The following KRT8 variants were observed in gnomAD, a reference collection of about 807,000 sequenced individuals.
The protein encoded by KRT8 is keratin 8, also known as keratin, type II cytoskeletal 8.
In KRT8, 24 loss-of-function variants were observed where a neutral mutation model predicts 43.0. The ratio of observed to expected loss-of-function variants is 0.56; its 90% CI spans 0.40 to 0.78. KRT8 has a LOEUF of 0.78. Ranked by LOEUF, KRT8 falls within the 30% of genes least tolerant of loss-of-function variation. The pLI is 0.00. For missense variants in KRT8, 492 were observed against 638.4 expected (o/e 0.77, Z 2.47); for synonymous variants, 214 against 261.2 (o/e 0.82, Z 1.74).
At chr12:52,928,230 G>A (rs998427852) in intron 2 of KRT8, among the ~76,000 whole-genome samples, 3 of 152,204 alleles carry the variant, frequency 2.0e-5, no homozygotes, top group African/African-American at 7.2e-5. Context: ...CTTCAGAGCA[G>A]AAGAGTGTGT....
At chr12:52,909,897 G>C (rs1235133166), upstream of KRT8, among the ~76,000 whole-genome samples, 1 of 152,172 alleles carries the variant, frequency 6.6e-6, no homozygotes, top group Non-Finnish European at 1.5e-5. Context: ...GGAGGAAGGA[G>C]ACACAAGCCC....
At position 52,903,851 on chromosome 12, in the gene KRT8, C is replaced by G. The variant is rs1454608451; in HGVS notation, c.324+807G>C. Among the ~76,000 whole-genome samples the G allele has an allele frequency of 2.3e-5, 3 of 129,788 alleles. No homozygotes were observed. In the East Asian group the frequency reaches 6.7e-4, roughly 29 times the overall value. 85.1% of individuals were successfully genotyped at this position (129,788 alleles called of 152,430 possible). ...CCAGGCCCTGGCGCCTCCTCCACCC[C>G]ACCCCAGCCCACCCCACCCCACCCC... is the stretch of plus-strand genomic sequence containing the variant. On this transcript the variant is annotated intron_variant, in intron 1 of 7. Transcript: ENST00000692008.
chr12:52,918,496 C>G (rs541481626), intron 2 of KRT8, among the ~76,000 whole-genome samples: 32 of 152,194 alleles, frequency 2.1e-4, no homozygotes, highest in Non-Finnish European at 3.7e-4. Flanking sequence ...GCCAGACAGA[C>G]GCCGCGCAGG....
chr12:52,921,656 A>C (rs944297298), intron 2 of KRT8, among the ~76,000 whole-genome samples: 4 of 151,822 alleles, frequency 2.6e-5, no homozygotes, highest in African/African-American at 9.7e-5. Context: ...CAGATGGACT[A>C]TTCCTCCCAG....
At chr12:52,914,246 A>AC (rs1281707534) in intron 2 of KRT8, among the ~76,000 whole-genome samples, 3 of 150,630 alleles carry the variant, frequency 2.0e-5, no homozygotes, top group African/African-American at 7.4e-5. Context: ...ACAAAACAAA[A>AC]AAAAAATCCA....
exon 6 of KRT8, chr12:52,898,837 A>T: frequency 6.2e-7 from 1 of 1,613,486 alleles, no homozygotes; most frequent in African/African-American, 1.3e-5. Flanking sequence ...TGGCGTTGGC[A>T]TCCTTAATGG....
chr12:52,927,942 G>A (rs1365404656), intron 2 of KRT8, among the ~76,000 whole-genome samples: 3 of 152,206 alleles, frequency 2.0e-5, no homozygotes, highest in Admixed American at 6.5e-5. Context: ...AGCCAGGCTT[G>A]GTGGCAGGCA....
upstream of KRT8, chr12:52,906,647 C>T (rs1044131942): frequency 2.2e-5 from 10 of 454,874 alleles, no homozygotes; most frequent in Admixed American, 7.1e-5. Context: ...CCTGCAATTA[C>T]CTGATGGCTG....
intron 2 of KRT8, among the ~76,000 whole-genome samples, chr12:52,926,154 C>T (rs1941986574): frequency 6.6e-6 from 1 of 150,802 alleles, no homozygotes; most frequent in South Asian, 2.1e-4. Context: ...GCCCCCCGCC[C>T]CCCACCACCT....
chr12:52,898,898 C>T lies in KRT8; in HGVS notation c.983G>A (p.Arg328Lys), dbSNP rs764463382. Residue 328 changes from arginine (R) to lysine (K), a missense_variant and splice_region_variant, in exon 6 of 8, where the codon AGG becomes AAG. By Grantham distance (26) the Arg-to-Lys change is conservative (BLOSUM62 2). This residue lies in a region of KRT8 where 389 missense variants were observed against 485.7 expected (regional missense o/e 0.80). Coordinates refer to ENST00000692008, the Ensembl canonical transcript of KRT8. The stretch of plus-strand genomic sequence containing the variant: ...TGCAATGGCGGCCTCCAGGGAAGCC[C>T]TCTGTGGGGTAGGGGACAGGTAAGT... The T allele has an allele frequency of 5.0e-6, 8 of 1,613,092 alleles. No individual in the cohort carries two copies. The Admixed American group carries it at 1.3e-4, about 27-fold the overall frequency.
Position 52,900,573 on chromosome 12 carries a change from C to T in KRT8, c.690+15G>A, listed in dbSNP as rs368267213. The T allele has an allele frequency of 7.0e-6, 11 of 1,566,932 alleles. No individual in the cohort carries two copies. The highest frequency in any genetic ancestry group is 2.2e-5 in the East Asian group (1 of 44,636). ...AGGCTGGGGGACCCTCACTCTCCTG[C>T]GACCAGGAACATACCTCTTCATATA... On this transcript the variant is annotated intron_variant, in intron 4 of 7. Transcript: ENST00000692008.
intron 2 of KRT8, among the ~76,000 whole-genome samples, chr12:52,938,320 A>G (rs1592186341): frequency 6.7e-6 from 1 of 149,814 alleles, no homozygotes; most frequent in Middle Eastern, 3.5e-3. Flanking sequence ...AAGCATGGAC[A>G]ATGCCCAGCT....
intron 2 of KRT8, among the ~76,000 whole-genome samples, chr12:52,945,887 C>A (rs750422233): frequency 6.6e-6 from 1 of 152,106 alleles, no homozygotes; most frequent in Non-Finnish European, 1.5e-5. Flanking sequence ...TTCCCACCCC[C>A]ACCCCAGAAC....
Position 52,935,378 on chromosome 12 carries a change from C to CAAAAAAA in KRT8, c.-47+14071_-47+14077dup, listed in dbSNP as rs71092794. Among the ~76,000 whole-genome samples, 11 of 23,750 alleles carry CAAAAAAA rather than the reference C, an allele frequency of 4.6e-4. 1 individual carries two copies. The highest frequency in any genetic ancestry group is 2.7e-3 in the East Asian group (1 of 374). The allele number at this position is 23,750 out of a possible 152,430, so 15.6% of individuals were successfully genotyped here. ...TGGGTGACAGAGCAAGACTCTGTCT[C>CAAAAAAA]AAAAAAAAAAAAAAAAAAAAAAAAA... On this transcript the variant is annotated intron_variant, in intron 2 of 6. Coordinates refer to the KRT8 transcript ENST00000546826.
chr12:52,936,153 G>T (rs556229734), intron 2 of KRT8, among the ~76,000 whole-genome samples: 1 of 152,128 alleles, frequency 6.6e-6, no homozygotes, highest in East Asian at 1.9e-4. Context: ...TCGGGAGGCC[G>T]AGGCAGGAGA....
chr12:52,930,305 C>T (rs527351683), intron 2 of KRT8, among the ~76,000 whole-genome samples: 18 of 152,104 alleles, frequency 1.2e-4, no homozygotes, highest in Middle Eastern at 3.2e-3. Flanking sequence ...GCAACCTCTG[C>T]CTCCCAGGTT....
chr12:52,899,173 A>G (rs188768518), intron 5 of KRT8, among the ~76,000 whole-genome samples: 3,570 of 152,236 alleles, frequency 0.023, 73 homozygotes, highest in Admixed American at 0.052. Flanking sequence ...AAAATTAGCC[A>G]GCCTGGTGGC....
intron 3 of KRT8, 110 bp from the exon 4 acceptor site, chr12:52,900,793 C>A (rs940534556): frequency 2.6e-6 from 2 of 757,458 alleles, no homozygotes; most frequent in African/African-American, 1.7e-5. Context: ...TAGTTGCCCA[C>A]TTTGTGGATT....
At chr12:52,926,341 A>T in intron 2 of KRT8, 1 of 322,126 alleles carries the variant, frequency 3.1e-6, no homozygotes. Context: ...TGCCCTCCCC[A>T]CCCCACCCCC....
Sources: gnomAD v4.1 joint callset for allele counts (sites outside exome capture counted in the v4.1 genomes callset) on GRCh38, gnomAD v4.1.1 for gene constraint, gnomAD v4.1.1 regional missense constraint, MANE v1.5 for transcripts, NCBI Gene and HGNC (gene_info 2026-07-23, HGNC 2026-07-21) for gene names.